HDAC9: variants seen among roughly 807,000 people sequenced by gnomAD.
HDAC9 encodes the protein MEF-2 interacting transcription repressor (MITR) protein.
A neutral mutation model predicts 139.4 loss-of-function variants in HDAC9; 41 were observed. The ratio of observed to expected loss-of-function variants is 0.29; its 90% CI spans 0.23 to 0.38. The LOEUF (loss-of-function observed/expected upper bound fraction) is 0.38, where lower values mean the gene tolerates loss of function less well. HDAC9 is among the 10% of genes least tolerant of loss of function. HDAC9 has a pLI of 1.00. For synonymous variants in HDAC9, 517 were observed against 476.2 expected (o/e 1.09, Z -1.12); for missense variants, 1,147 against 1,297.0 (o/e 0.88, Z 1.78).
chr7:18,145,808 C>G (rs1227828430), intron 1 of HDAC9, among the ~76,000 whole-genome samples: 2 of 152,042 alleles, frequency 1.3e-5, no homozygotes, highest in African/African-American at 2.4e-5. Context: ...TGAGGAAGTT[C>G]CTCTAAAGGA....
intron 1 of HDAC9, among the ~76,000 whole-genome samples, chr7:18,401,735 C>G (rs1474917496): frequency 6.6e-6 from 1 of 152,086 alleles, no homozygotes; most frequent in Non-Finnish European, 1.5e-5. Context: ...TATTTTTCTT[C>G]CATATTCTGC....
At chr7:18,270,861 T>A (rs1317363834) in intron 2 of HDAC9, among the ~76,000 whole-genome samples, 1 of 152,196 alleles carries the variant, frequency 6.6e-6, no homozygotes, top group African/African-American at 2.4e-5. Flanking sequence ...GAAATGGATT[T>A]TTTCATTTTT....
intron 2 of HDAC9, among the ~76,000 whole-genome samples, chr7:18,230,890 A>G (rs1327141737): frequency 6.6e-6 from 1 of 152,236 alleles, no homozygotes; most frequent in East Asian, 1.9e-4. Context: ...ACAGGCAGAA[A>G]TAATCCAGGA....
intron 6 of HDAC9, among the ~76,000 whole-genome samples, chr7:18,598,423 T>C (rs532593967): frequency 6.6e-6 from 1 of 152,302 alleles, no homozygotes; most frequent in East Asian, 1.9e-4. Context: ...AGAAGTAATA[T>C]GGCCATTGTA....
intron 6 of HDAC9, among the ~76,000 whole-genome samples, chr7:18,605,761 A>T (rs113271654): frequency 6.6e-6 from 1 of 151,906 alleles, no homozygotes; most frequent in African/African-American, 2.4e-5. Flanking sequence ...GCTCACTGCA[A>T]GCTCCGCCTC....
intron 21 of HDAC9, among the ~76,000 whole-genome samples, chr7:18,840,651 G>A (rs1383641239): frequency 6.6e-6 from 1 of 152,078 alleles, no homozygotes; most frequent in Non-Finnish European, 1.5e-5. Context: ...GAAGCTTAAT[G>A]TTTTTGCTAT....
chr7:18,588,874 G>C (rs990305589), intron 3 of HDAC9, among the ~76,000 whole-genome samples: 1 of 152,144 alleles, frequency 6.6e-6, no homozygotes, highest in Non-Finnish European at 1.5e-5. Flanking sequence ...TCCACTTGTG[G>C]CATCATGTCA....
intron 23 of HDAC9, among the ~76,000 whole-genome samples, chr7:18,940,957 C>A (rs1230032823): frequency 1.3e-5 from 2 of 152,002 alleles, no homozygotes; most frequent in Non-Finnish European, 2.9e-5. Flanking sequence ...TAGAAGATCA[C>A]CTGTCAATAC....
chr7:18,111,937 G>C (rs1045724523), intron 1 of HDAC9, among the ~76,000 whole-genome samples: 1 of 152,166 alleles, frequency 6.6e-6, no homozygotes, highest in Non-Finnish European at 1.5e-5. Flanking sequence ...GCTAGATCTA[G>C]CTTATGCTGC....
chr7:18,299,638 GT>G (rs1380177740), intron 1 of HDAC9, among the ~76,000 whole-genome samples: 2 of 152,184 alleles, frequency 1.3e-5, no homozygotes, highest in East Asian at 3.9e-4. Flanking sequence ...AGAAAGAAAG[GT>G]TATCATTGAA....
intron 17 of HDAC9, among the ~76,000 whole-genome samples, chr7:18,810,910 G>C (rs1194422114): frequency 4.0e-5 from 6 of 151,554 alleles, no homozygotes; most frequent in Non-Finnish European, 5.9e-5. Flanking sequence ...TTCTAGTTTT[G>C]GGCTATGATG....
rs1829225152 is a variant in HDAC9, at chr7:18,585,583, C to T, written c.264+61C>T. On this transcript the variant is annotated intron_variant, in intron 3 of 25. Transcript: ENST00000686413. ...GAGTCTGCACCGTGGTGGGCATGAA[C>T]AGTGCCCATGGGAACACTTTGCGGG... is the stretch of plus-strand genomic sequence containing the variant. 3.8e-6 allele frequency: 6 copies of T among 1,576,728 alleles called. 2 individuals carry two copies. The South Asian group carries it at 6.8e-5, about 18-fold the overall frequency.
rs567833316 is a variant in HDAC9 at position 18,945,109 on chromosome 7, T to C, written c.2938-9037T>C. On this transcript the variant is annotated intron_variant, in intron 23 of 25. Transcript: ENST00000686413. ...CCTGAAATATGCATGTGTTTAAATG[T>C]GTTTTCCATAGTGGCAGTTACAATT... Among the ~76,000 whole-genome samples the C allele has an allele frequency of 2.0e-5, 3 of 152,330 alleles. No homozygotes were observed. The South Asian group carries it at 6.2e-4, about 32-fold the overall frequency.
intron 22 of HDAC9, among the ~76,000 whole-genome samples, chr7:18,917,764 G>A (rs1296308995): frequency 6.6e-6 from 1 of 151,990 alleles, no homozygotes; most frequent in Non-Finnish European, 1.5e-5. Context: ...GAGACTCAGG[G>A]AAATTAAAAA....
chr7:18,935,983 A>C (rs1375352695), intron 23 of HDAC9, 41 bp downstream of exon 23: 2 of 1,581,818 alleles, frequency 1.3e-6, no homozygotes, highest in Non-Finnish European at 1.7e-6. Context: ...GTAAAGAATC[A>C]GGGATGTATG....
intron 2 of HDAC9, among the ~76,000 whole-genome samples, chr7:18,242,597 T>G (rs1794257224): frequency 6.6e-6 from 1 of 152,212 alleles, no homozygotes; most frequent in Admixed American, 6.5e-5. Flanking sequence ...TCTCTATTCT[T>G]AAGGAATAGA....
At chr7:18,850,459 C>A (rs1252388377) in intron 21 of HDAC9, among the ~76,000 whole-genome samples, 2 of 152,134 alleles carry the variant, frequency 1.3e-5, no homozygotes, top group Non-Finnish European at 2.9e-5. Flanking sequence ...AGAATGCTTT[C>A]TTCTGTGGAC....
intron 14 of HDAC9, among the ~76,000 whole-genome samples, chr7:18,755,610 T>A (rs1347065744): frequency 2.0e-5 from 3 of 152,142 alleles, no homozygotes; most frequent in Non-Finnish European, 4.4e-5. Context: ...TTCAGTTGCA[T>A]AAAGGATTGT....
intron 17 of HDAC9, among the ~76,000 whole-genome samples, chr7:18,822,249 T>C (rs755554364): frequency 2.0e-5 from 3 of 152,216 alleles, no homozygotes; most frequent in Non-Finnish European, 2.9e-5. Flanking sequence ...ATCCTGAGGC[T>C]ATCCAGGAGC....
Sources: allele counts gnomAD v4.1 joint callset (sites outside exome capture counted in the v4.1 genomes callset), GRCh38; gene constraint gnomAD v4.1.1; transcripts MANE v1.5; gene names NCBI Gene and HGNC (gene_info 2026-07-23, HGNC 2026-07-21).